Variants in NCS1 observed in about 807,000 individuals in gnomAD.
The protein encoded by NCS1 is frequenin homolog.
In NCS1, 6 loss-of-function variants were observed where a neutral mutation model predicts 28.4. The ratio of observed to expected loss-of-function variants is 0.21; its 90% CI spans 0.12 to 0.42. The LOEUF (loss-of-function observed/expected upper bound fraction) is 0.42, where lower values mean the gene tolerates loss of function less well. Among genes scored for constraint, NCS1 ranks in the 10% least tolerant of loss-of-function variants. The pLI, the probability that NCS1 is intolerant of heterozygous loss-of-function variation, is 1.00. For missense variants in NCS1, 131 were observed against 241.4 expected (o/e 0.54, Z 3.03); for synonymous variants, 86 against 99.3 (o/e 0.87, Z 0.79).
Position 130,226,563 on chromosome 9 carries a change from C to T in NCS1, c.*17+59C>T, listed in dbSNP as rs1779590087. The stretch of plus-strand genomic sequence containing the variant: ...GGATGGGTCAGGGGTGAAAACCCAG[C>T]AGCAGGACACCTACGGTTGGCAGGT... On this transcript the variant is annotated intron_variant, in intron 7 of 7. Transcript: ENST00000372398. The surrounding 1 kb of genome is among the most constrained non-coding windows in gnomAD (Gnocchi z 4.8). The T allele has an allele frequency of 3.2e-6, 4 of 1,263,050 alleles. No homozygotes were observed. Among genetic ancestry groups the T allele is most frequent in the South Asian group, 1.3e-5 (1 of 79,420 alleles). The allele number at this position is 1,263,050 out of a possible 1,614,324, so 78.2% of individuals were successfully genotyped here. A position where few individuals can be genotyped will look rare whatever the true frequency, so the allele number is the denominator to read the frequency against.
rs1832634404 is a variant in NCS1, at chr9:130,180,048, TATC to T, written c.64+7322_64+7324del. Among the ~76,000 whole-genome samples the T allele has an allele frequency of 1.5e-5, 2 of 136,690 alleles. No individual in the cohort carries two copies. Among genetic ancestry groups the T allele is most frequent in the South Asian group, 2.5e-4 (1 of 4,030 alleles). 89.7% of individuals were successfully genotyped at this position (136,690 alleles called of 152,430 possible). A position where few individuals can be genotyped will look rare whatever the true frequency, so the allele number is the denominator to read the frequency against. On this transcript the variant is annotated intron_variant, in intron 1 of 7. Coordinates refer to ENST00000372398, the MANE Select transcript of NCS1 (RefSeq NM_014286.4). The surrounding 1 kb of genome is among the most constrained non-coding windows in gnomAD (Gnocchi z 4.5). ...CTATCTATCTATCTATCTATCTATC[TATC>T]GAGATGGAATCTCACTTCCGTCACC...
At position 130,236,843 on chromosome 9, in the gene NCS1, C is replaced by T. The variant is rs1386126330; in HGVS notation, c.*3871C>T. Reference sequence around the variant, plus strand: ...GGACTTTGCGCAAGTCAGTTCTGCTCATTGGGTCTCAATTTCCCCATCCCT... The same window carrying T: ...GGACTTTGCGCAAGTCAGTTCTGCTTATTGGGTCTCAATTTCCCCATCCCT... On this transcript the variant is annotated 3_prime_UTR_variant, in exon 8 of 8. Coordinates refer to ENST00000372398, the MANE Select transcript of NCS1 (RefSeq NM_014286.4). 6.6e-6 allele frequency: 1 copy of T among 152,126 alleles called. No homozygotes were observed. The highest frequency in any genetic ancestry group is 2.4e-5 in the African/African-American group (1 of 41,426). 9.4% of individuals were successfully genotyped at this position (152,126 alleles called of 1,614,324 possible). A position where few individuals can be genotyped will look rare whatever the true frequency, so the allele number is the denominator to read the frequency against.
intron 1 of NCS1, among the ~76,000 whole-genome samples, chr9:130,196,371 G>A (rs1832878548): frequency 6.6e-6 from 1 of 152,214 alleles, no homozygotes. Flanking sequence ...TTCTACATAC[G>A]TGAGTGTGTA....
At chr9:130,221,851 T>C (rs1833309852) in intron 4 of NCS1, among the ~76,000 whole-genome samples, 1 of 108,456 alleles carries the variant, frequency 9.2e-6, no homozygotes, top group African/African-American at 3.6e-5. Context: ...TACATAAATA[T>C]AAATTATGTA....
chr9:130,223,407 C>A (rs1833367727), intron 6 of NCS1, among the ~76,000 whole-genome samples: 1 of 151,686 alleles, frequency 6.6e-6, no homozygotes, highest in African/African-American at 2.4e-5. Flanking sequence ...TTGCCATGGA[C>A]CCCTTTGGCA....
At chr9:130,174,627 G>A (rs1288403788) in intron 1 of NCS1, among the ~76,000 whole-genome samples, 8 of 152,086 alleles carry the variant, frequency 5.3e-5, no homozygotes, top group South Asian at 4.1e-4. Flanking sequence ...CCTGACCAAC[G>A]TGGAGAAACC....
intron 1 of NCS1, among the ~76,000 whole-genome samples, chr9:130,198,669 G>A (rs1171417332): frequency 1.3e-5 from 2 of 152,218 alleles, no homozygotes; most frequent in East Asian, 3.8e-4. Context: ...GGAGCGGCAA[G>A]CACTTCAGTT....
In NCS1 at chr9:130,219,021, C is replaced by T. The variant is rs797026901; in HGVS notation, c.229-704C>T. Among the ~76,000 whole-genome samples the T allele has an allele frequency of 7.2e-5, 11 of 152,260 alleles. No homozygotes were observed. Among genetic ancestry groups the T allele is most frequent in the African/African-American group, 2.6e-4 (11 of 41,554 alleles). On this transcript the variant is annotated intron_variant, in intron 3 of 7. Transcript: ENST00000372398. The surrounding 1 kb of genome is among the most constrained non-coding windows in gnomAD (Gnocchi z 5.7). ...AGGATCTTTTGTTCCTGGCGTTTTC[C>T]ACTGAGCATCATGTTTTCAAGACTT...
At position 130,175,078 on chromosome 9, in the gene NCS1, G is replaced by A. The variant is rs1832546230; in HGVS notation, c.64+2351G>A. On this transcript the variant is annotated intron_variant, in intron 1 of 7. Coordinates refer to ENST00000372398, the MANE Select transcript of NCS1 (RefSeq NM_014286.4). The surrounding 1 kb of genome is among the most constrained non-coding windows in gnomAD (Gnocchi z 4.9). ...TTCCTCTGTCGAAGCCCTTATTAGG[G>A]GTGGGCCGTTGGAGGTGGCGGTGGG... Among the ~76,000 whole-genome samples the A allele has an allele frequency of 6.6e-6, 1 of 152,216 alleles. No homozygotes were observed. The highest frequency in any genetic ancestry group is 3.4e-3 in the Middle Eastern group (1 of 294).
In NCS1 at chr9:130,175,014, G is replaced by A. The variant is rs1452294855; in HGVS notation, c.64+2287G>A. On this transcript the variant is annotated intron_variant, in intron 1 of 7. Coordinates refer to ENST00000372398, the MANE Select transcript of NCS1 (RefSeq NM_014286.4). The surrounding 1 kb of genome is among the most constrained non-coding windows in gnomAD (Gnocchi z 4.9). ...ATTTTTAAAGGCCTTTGGAGACGTG[G>A]AACAGTTTTGGGCAGAGAGAGAGTT... 6.6e-6 allele frequency among the ~76,000 whole-genome samples: 1 copy of A among 152,114 alleles called. No homozygotes were observed. The highest frequency in any genetic ancestry group is 1.5e-5 in the Non-Finnish European group (1 of 68,028).
rs1832656126 is a variant in NCS1, at chr9:130,181,626, AG to A, written c.64+8900del. 6.6e-6 allele frequency among the ~76,000 whole-genome samples: 1 copy of A among 152,100 alleles called. No individual in the cohort carries two copies. Among genetic ancestry groups the A allele is most frequent in the Non-Finnish European group, 1.5e-5 (1 of 67,994 alleles). On this transcript the variant is annotated intron_variant, in intron 1 of 7. Transcript: ENST00000372398. The surrounding 1 kb of genome is among the most constrained non-coding windows in gnomAD (Gnocchi z 5.0). Reference sequence around the variant, plus strand: ...TGATCCCCGTCCCCTCTCAGCCTGGAGTCTGCACACTGAAGCCCTGGGCCGC... The same window carrying A: ...TGATCCCCGTCCCCTCTCAGCCTGGATCTGCACACTGAAGCCCTGGGCCGC...
At position 130,204,548 on chromosome 9, in the gene NCS1, C is replaced by T. The variant is rs969901125; in HGVS notation, c.89+3566C>T. On this transcript the variant is annotated intron_variant, in intron 2 of 7. Coordinates refer to ENST00000372398, the MANE Select transcript of NCS1 (RefSeq NM_014286.4). ...AAGCAATCCTCCTGACTCAGCCTCC[C>T]GAGTAGCTGAGACGGCAGGTGCGAG... Among the ~76,000 whole-genome samples the T allele has an allele frequency of 5.9e-5, 9 of 152,126 alleles. No homozygotes were observed. The East Asian group carries it at 1.3e-3, about 23-fold the overall frequency.
chr9:130,220,958 C>G (rs1554910180), intron 4 of NCS1, among the ~76,000 whole-genome samples: 1 of 152,026 alleles, frequency 6.6e-6, no homozygotes, highest in African/African-American at 2.4e-5. Flanking sequence ...CCCGGGCTCT[C>G]CCACGCACTC....
intron 1 of NCS1, among the ~76,000 whole-genome samples, chr9:130,178,473 G>A (rs1832606338): frequency 6.6e-6 from 1 of 152,194 alleles, no homozygotes; most frequent in South Asian, 2.1e-4. Flanking sequence ...CCTTGGGATC[G>A]GACCCAGCTC....
chr9:130,233,978 A>C lies in NCS1; in HGVS notation c.*1006A>C, dbSNP rs565202095. ...CGTAACATTTTTTCCGAGGATGAACAGGGGACATCTTTAGGTTTCTCAACT... is the reference window on the plus strand; with the variant it reads ...CGTAACATTTTTTCCGAGGATGAACCGGGGACATCTTTAGGTTTCTCAACT... On this transcript the variant is annotated 3_prime_UTR_variant, in exon 8 of 8. Transcript: ENST00000372398. This position sits in a 1 kb window ranked among gnomAD's most constrained non-coding sequence, Gnocchi z 4.8. The C allele has an allele frequency of 1.3e-5, 2 of 152,098 alleles. No individual in the cohort carries two copies. Among genetic ancestry groups the C allele is most frequent in the Non-Finnish European group, 2.9e-5 (2 of 68,036 alleles). The allele number at this position is 152,098 out of a possible 1,614,324, so 9.4% of individuals were successfully genotyped here. A position where few individuals can be genotyped will look rare whatever the true frequency, so the allele number is the denominator to read the frequency against.
chr9:130,201,183 G>C (rs1384303577), intron 2 of NCS1, among the ~76,000 whole-genome samples: 3 of 152,182 alleles, frequency 2.0e-5, no homozygotes, highest in African/African-American at 7.2e-5. Flanking sequence ...GGTTGGGGGT[G>C]GCGCTGGGGT....
chr9:130,172,780 G>A, intron 1 of NCS1, 53 bp downstream of exon 1: 3 of 618,620 alleles, frequency 4.8e-6, no homozygotes, highest in Non-Finnish European at 6.0e-6. Flanking sequence ...CACACCCACC[G>A]CCCCCGCCCC....
intron 1 of NCS1, among the ~76,000 whole-genome samples, chr9:130,182,987 G>A (rs78795763): frequency 0.098 from 14,917 of 152,310 alleles, 794 homozygotes; most frequent in East Asian, 0.12. Flanking sequence ...GCCACATCTT[G>A]TGGTCTTTGG....
At chr9:130,229,176 A>G (rs782281795) in intron 7 of NCS1, among the ~76,000 whole-genome samples, 18 of 152,294 alleles carry the variant, frequency 1.2e-4, no homozygotes, top group Non-Finnish European at 2.5e-4. Context: ...TTGAACACTT[A>G]CAAAACTTAA....
Sources: allele counts gnomAD v4.1 joint callset (sites outside exome capture counted in the v4.1 genomes callset), GRCh38; gene constraint gnomAD v4.1.1; non-coding constraint Gnocchi (gnomAD v3.1); transcripts MANE v1.5; gene names NCBI Gene and HGNC (gene_info 2026-07-23, HGNC 2026-07-21).